The following FOXN2 variants were observed in gnomAD, a reference collection of about 807,000 sequenced individuals.
The protein encoded by FOXN2 is forkhead box protein N2.
FOXN2 carries 19 observed loss-of-function variants against 41.2 expected under a neutral mutation model. That is an observed-to-expected ratio of 0.46 (90% CI 0.32 to 0.68). The LOEUF (loss-of-function observed/expected upper bound fraction) is 0.68. FOXN2 is among the 30% of genes least tolerant of loss of function. The pLI is 0.03. For missense variants in FOXN2, 587 were observed against 509.4 expected, an observed-to-expected ratio of 1.15 and a Z score of -1.47; for synonymous variants, 195 against 176.8, an observed-to-expected ratio of 1.10 and a Z score of -0.82.
intron 2 of FOXN2, among the ~76,000 whole-genome samples, chr2:48,336,424 T>A (rs941760393): frequency 8.9e-5 from 13 of 145,458 alleles, no homozygotes; most frequent in Non-Finnish European, 1.8e-4. Context: ...AAAAAATATA[T>A]ATATATGTAT....
chr2:48,327,986 T>A (rs1373932279), intron 1 of FOXN2, among the ~76,000 whole-genome samples: 1 of 152,206 alleles, frequency 6.6e-6, no homozygotes, highest in Non-Finnish European at 1.5e-5. Flanking sequence ...AAGGTATCAT[T>A]GTCTGCATTT....
At chr2:48,356,307 G>A (rs1448313814) in intron 3 of FOXN2, among the ~76,000 whole-genome samples, 1 of 151,992 alleles carries the variant, frequency 6.6e-6, no homozygotes, top group African/African-American at 2.4e-5. Context: ...CGGGCATGGT[G>A]GTGCACACCT....
chr2:48,319,701 C>G (rs1203737271), intron 1 of FOXN2, among the ~76,000 whole-genome samples: 1 of 149,800 alleles, frequency 6.7e-6, no homozygotes, highest in Non-Finnish European at 1.5e-5. Flanking sequence ...AGCTCCACCT[C>G]TTAGGCTCAA....
At chr2:48,359,299 T>C (rs1050209740) in intron 4 of FOXN2, 152 bp downstream of exon 4, 21 of 601,054 alleles carry the variant, frequency 3.5e-5, no homozygotes, top group Admixed American at 6.5e-5. Flanking sequence ...GTTTTTGTTT[T>C]TGTTTTGTTT....
Position 48,346,243 on chromosome 2 carries a change from A to T in FOXN2, c.29A>T (p.Asp10Val), listed in dbSNP as rs776170920. 2 of 1,612,832 alleles carry T rather than the reference A, an allele frequency of 1.2e-6. No individual in the cohort carries two copies. Among genetic ancestry groups the T allele is most frequent in the South Asian group, 2.2e-5 (2 of 90,968 alleles). The change falls in exon 3 of 7, where the codon GAT (aspartate) becomes GTT (valine). Residue 10 changes from aspartate (D) to valine (V), a missense_variant. By Grantham distance (152) the Asp-to-Val change is radical (BLOSUM62 -3). Transcript: ENST00000340553. Reference sequence around the variant, plus strand: ...GGTCCAGTAATTGGAATGACTCCAGATAAGAGAGCTGAAACCCCAGGAGCT... The same window carrying T: ...GGTCCAGTAATTGGAATGACTCCAGTTAAGAGAGCTGAAACCCCAGGAGCT... Reference protein sequence around the residue: MGPVIGMTPDKRAETPGAEK... With the variant: MGPVIGMTPVKRAETPGAEK...
At chr2:48,327,961 A>G (rs1242131132) in intron 1 of FOXN2, among the ~76,000 whole-genome samples, 1 of 152,092 alleles carries the variant, frequency 6.6e-6, no homozygotes, top group South Asian at 2.1e-4. Flanking sequence ...CAAATTTGAC[A>G]TTGGGGCTAT....
At position 48,346,614 on chromosome 2, in the gene FOXN2, C is replaced by G; in HGVS notation, c.400C>G (p.Pro134Ala). Reference sequence around the variant, plus strand: ...TGAGCACTCTCCAAATAAATGTTTGCCTGTCAAAGAAATTTATAGCTGGAT... The same window carrying G: ...TGAGCACTCTCCAAATAAATGTTTGGCTGTCAAAGAAATTTATAGCTGGAT... ...AIEHSPNKCL[P>A]VKEIYSWILD... is the part of the protein sequence containing the mutation. Residue 134 changes from proline to alanine, a missense_variant, in exon 3 of 7, where the codon CCT (proline) becomes GCT (alanine). By Grantham distance (27) the Pro-to-Ala change is conservative. Coordinates refer to ENST00000340553, the MANE Select transcript of FOXN2 (RefSeq NM_002158.4). 1 of 1,614,132 alleles carries G rather than the reference C, an allele frequency of 6.2e-7. No individual in the cohort carries two copies. The highest frequency in any genetic ancestry group is 8.5e-7 in the Non-Finnish European group (1 of 1,179,996).
intron 1 of FOXN2, among the ~76,000 whole-genome samples, chr2:48,325,146 C>G (rs953553444): frequency 1.3e-5 from 2 of 152,120 alleles, no homozygotes; most frequent in African/African-American, 4.8e-5. Context: ...AAAAAGCAAT[C>G]TAGGCAGGAT....
chr2:48,342,692 C>T (rs1222633428), intron 2 of FOXN2, among the ~76,000 whole-genome samples: 4 of 152,108 alleles, frequency 2.6e-5, no homozygotes, highest in African/African-American at 4.8e-5. Flanking sequence ...GCTCTGTCTA[C>T]GGTCATAGCA....
intron 1 of FOXN2, among the ~76,000 whole-genome samples, chr2:48,325,887 C>A (rs995885353): frequency 7.5e-6 from 1 of 133,650 alleles, no homozygotes; most frequent in South Asian, 2.3e-4. Context: ...TTTCCTCAGT[C>A]GCCCAGGCTG....
intron 3 of FOXN2, among the ~76,000 whole-genome samples, chr2:48,358,255 C>T (rs995570458): frequency 3.3e-5 from 5 of 151,668 alleles, no homozygotes; most frequent in African/African-American, 1.2e-4. Context: ...CATGCAGCAA[C>T]CCTTACGTAC....
intron 5 of FOXN2, among the ~76,000 whole-genome samples, chr2:48,364,679 A>G (rs890328564): frequency 1.3e-5 from 2 of 152,274 alleles, no homozygotes; most frequent in South Asian, 2.1e-4. Context: ...ACTATGGCCC[A>G]TGGCCATTTC....
chr2:48,322,148 G>T (rs374700675), intron 1 of FOXN2, among the ~76,000 whole-genome samples: 6 of 152,152 alleles, frequency 3.9e-5, no homozygotes, highest in Admixed American at 1.3e-4. Flanking sequence ...GGGTTTCACC[G>T]TGTTGGCCAG....
At chr2:48,350,849 A>C (rs1466355104) in intron 3 of FOXN2, among the ~76,000 whole-genome samples, 1 of 152,176 alleles carries the variant, frequency 6.6e-6, no homozygotes, top group African/African-American at 2.4e-5. Context: ...AAATGTTTTA[A>C]AATTTGGGTG....
chr2:48,325,840 A>ATTTT (rs1553408379), intron 1 of FOXN2, among the ~76,000 whole-genome samples: 1 of 121,826 alleles, frequency 8.2e-6, no homozygotes, highest in African/African-American at 3.1e-5. Context: ...TTCCCTCAAG[A>ATTTT]TTTCTTTTTT....
chr2:48,346,222 C>T lies in FOXN2; in HGVS notation c.8C>T (p.Pro3Leu). Residue 3 changes from proline to leucine, a missense_variant, in exon 3 of 7, where the codon CCA becomes CTA. Physicochemically the swap from Pro to Leu is moderately conservative, Grantham distance 98. Coordinates refer to ENST00000340553, the MANE Select transcript of FOXN2 (RefSeq NM_002158.4). ...GCAGAACTGTAAGAGTAAATGGGTCCAGTAATTGGAATGACTCCAGATAAG... is the reference window on the plus strand; with the variant it reads ...GCAGAACTGTAAGAGTAAATGGGTCTAGTAATTGGAATGACTCCAGATAAG... MG[P>L]VIGMTPDKRA... 7 of 1,604,504 alleles carry T rather than the reference C, an allele frequency of 4.4e-6. No homozygotes were observed. Among genetic ancestry groups the T allele is most frequent in the Non-Finnish European group, 5.1e-6 (6 of 1,176,070 alleles).
In FOXN2 at chr2:48,358,971, A is replaced by G. The variant is rs1008663954; in HGVS notation, c.538-76A>G. 9 of 1,112,084 alleles carry G rather than the reference A, an allele frequency of 8.1e-6. No homozygotes were observed. In the African/African-American group the frequency reaches 1.1e-4, roughly 14 times the overall value. The allele number at this position is 1,112,084 out of a possible 1,614,324, so 68.9% of individuals were successfully genotyped here. ...GGTGCTAGAGATTATTTACCCCTGC[A>G]CATTTATTTAAAACATTTAGACGCT... On this transcript the variant is annotated intron_variant, in intron 3 of 6. Transcript: ENST00000340553.
Position 48,346,297 on chromosome 2 carries a change from A to T in FOXN2, c.83A>T (p.Tyr28Phe). The change falls in exon 3 of 7, where the codon TAC becomes TTC. Residue 28 changes from tyrosine to phenylalanine, a missense_variant. Tyr to Phe is a conservative substitution (Grantham distance 22). Coordinates refer to ENST00000340553, the MANE Select transcript of FOXN2 (RefSeq NM_002158.4). ...AAGATTGCAGGATTAAGCCAGATTT[A>T]CAAAATGGGAAGCTTGCCTGAAGCT... ...AEKIAGLSQI[Y>F]KMGSLPEAVD... The T allele has an allele frequency of 1.9e-6, 3 of 1,614,230 alleles. No homozygotes were observed. Among genetic ancestry groups the T allele is most frequent in the Non-Finnish European group, 2.5e-6 (3 of 1,180,026 alleles).
At chr2:48,358,820 A>G (rs1300394053) in intron 3 of FOXN2, among the ~76,000 whole-genome samples, 1 of 152,226 alleles carries the variant, frequency 6.6e-6, no homozygotes, top group Non-Finnish European at 1.5e-5. Context: ...ACCAGAAGCT[A>G]ATAACATTTG....
Sources: gnomAD v4.1 joint callset for allele counts (sites outside exome capture counted in the v4.1 genomes callset) on GRCh38, gnomAD v4.1.1 for gene constraint, MANE v1.5 for transcripts, NCBI Gene and HGNC (gene_info 2026-07-23, HGNC 2026-07-21) for gene names.